MED13L: variants seen among roughly 807,000 people sequenced by gnomAD.
MED13L encodes mediator complex subunit 13L, also known as mediator of RNA polymerase II transcription subunit 13-like.
MED13L carries 7 observed loss-of-function variants against 220.9 expected under a neutral mutation model. The ratio of observed to expected loss-of-function variants is 0.03; its 90% CI spans 0.02 to 0.06. The LOEUF is 0.06. Among genes scored for constraint, MED13L ranks in the 10% least tolerant of loss-of-function variants. The pLI is 1.00. For synonymous variants in MED13L, 1,011 were observed against 1,015.2 expected, an observed-to-expected ratio of 1.00 and a Z score of 0.08; for missense variants, 1,965 against 2,760.5, an observed-to-expected ratio of 0.71 and a Z score of 6.46.
chr12:116,049,214 G>C (rs866956589), intron 4 of MED13L, among the ~76,000 whole-genome samples: 1 of 152,178 alleles, frequency 6.6e-6, no homozygotes, highest in Non-Finnish European at 1.5e-5. Flanking sequence ...ATTAGTGACT[G>C]TCTCTTTTGG....
intron 1 of MED13L, among the ~76,000 whole-genome samples, chr12:116,274,438 A>C (rs1367047858): frequency 5.3e-5 from 8 of 150,720 alleles, no homozygotes; most frequent in East Asian, 1.9e-4. Context: ...AAAAAAAAAA[A>C]CCCTGCAGGC....
intron 2 of MED13L, among the ~76,000 whole-genome samples, chr12:116,219,428 A>G (rs1180744067): frequency 1.3e-5 from 2 of 152,194 alleles, no homozygotes; most frequent in African/African-American, 4.8e-5. Context: ...ACAAAAATAA[A>G]TAAATTTATT....
chr12:116,277,135 C>T lies in MED13L; in HGVS notation c.-4G>A. On this transcript the variant is annotated 5_prime_UTR_variant, in exon 1 of 31. Transcript: ENST00000281928. ...CCCAGTTCGCTGCCGCAGTCATGAT[C>T]CTCCGCGAGCCCGGCCGCCAGAGCG... The T allele has an allele frequency of 1.3e-6, 2 of 1,572,746 alleles. No individual in the cohort carries two copies. The highest frequency in any genetic ancestry group is 1.2e-5 in the South Asian group (1 of 86,170).
intron 1 of MED13L, among the ~76,000 whole-genome samples, chr12:116,259,571 G>GAC (rs1198793179): frequency 6.6e-6 from 1 of 152,184 alleles, no homozygotes; most frequent in Non-Finnish European, 1.5e-5. Flanking sequence ...GCACACACAG[G>GAC]ACTCCGTAAG....
chr12:116,063,792 T>C (rs1186128617), intron 4 of MED13L, among the ~76,000 whole-genome samples: 2 of 152,110 alleles, frequency 1.3e-5, no homozygotes, highest in African/African-American at 4.8e-5. Context: ...AATACAAAAA[T>C]ATAAACAGTG....
intron 4 of MED13L, among the ~76,000 whole-genome samples, chr12:116,055,906 A>T (rs997018090): frequency 6.6e-6 from 1 of 152,100 alleles, no homozygotes; most frequent in African/African-American, 2.4e-5. Context: ...AAAAAAAAAA[A>T]CAAAAAGAGA....
At chr12:116,253,753 G>GTTTTTTTTTTTTTTTTTTTTTT (rs746923184) in intron 1 of MED13L, among the ~76,000 whole-genome samples, 1 of 76,492 alleles carries the variant, frequency 1.3e-5, no homozygotes. Context: ...GGTTTTTTTT[G>GTTTTTTTTTTTTTTTTTTTTTT]TTTTTTTTTT....
intron 4 of MED13L, among the ~76,000 whole-genome samples, chr12:116,033,253 A>C (rs1880966965): frequency 6.6e-6 from 1 of 152,194 alleles, no homozygotes; most frequent in Non-Finnish European, 1.5e-5. Flanking sequence ...CAAATGCTAG[A>C]ATATTTCTGA....
chr12:116,276,622 G>A (rs1172364802), intron 1 of MED13L: 7 of 1,198,748 alleles, frequency 5.8e-6, no homozygotes, highest in Non-Finnish European at 7.4e-6. Context: ...TCAAAAGGCA[G>A]GCGGGCGGGC....
At chr12:116,276,891 C>T (rs1337551245) in intron 1 of MED13L, 169 bp downstream of exon 1, 8 of 973,570 alleles carry the variant, frequency 8.2e-6, no homozygotes, top group Non-Finnish European at 9.3e-6. Context: ...GGATCCAAGG[C>T]GAGAGAGAGA....
rs140062498 is a variant in MED13L, at chr12:116,145,610, C to T, written c.311-34098G>A. On this transcript the variant is annotated intron_variant, in intron 2 of 30. Coordinates refer to ENST00000281928, the MANE Select transcript of MED13L (RefSeq NM_015335.5). ...TCCTGGGTGCAAGTGATCCTCCCAC[C>T]TCAGCCTCCAAGGAGCTAGGACTAC... Among the ~76,000 whole-genome samples the T allele has an allele frequency of 7.2e-3, 1,099 of 152,230 alleles. 5 individuals carry two copies. The highest frequency in any genetic ancestry group is 0.011 in the Non-Finnish European group (781 of 68,012).
chr12:116,084,372 G>T (rs955324268), intron 4 of MED13L, among the ~76,000 whole-genome samples: 3 of 152,148 alleles, frequency 2.0e-5, no homozygotes, highest in African/African-American at 4.8e-5. Flanking sequence ...CTCAGAGAAG[G>T]GGTAAATGGA....
chr12:116,157,153 CG>C lies in MED13L; in HGVS notation c.311-45642del, dbSNP rs1318546608. Among the ~76,000 whole-genome samples the C allele has an allele frequency of 2.6e-5, 4 of 152,266 alleles. No homozygotes were observed. In the East Asian group the frequency reaches 7.7e-4, roughly 29 times the overall value. ...AATCAAAAAACTTTTTCATCTTTGT[CG>C]TATTTCCCATACTTAAATGTTCTTC... On this transcript the variant is annotated intron_variant, in intron 2 of 30. Transcript: ENST00000281928.
At chr12:116,074,087 C>G (rs1206904454) in intron 4 of MED13L, among the ~76,000 whole-genome samples, 7 of 152,166 alleles carry the variant, frequency 4.6e-5, no homozygotes, top group African/African-American at 1.4e-4. Flanking sequence ...ATAAAACATA[C>G]TGTTAAACAT....
At chr12:116,059,234 ATTGT>A (rs1399270524) in intron 4 of MED13L, among the ~76,000 whole-genome samples, 1 of 151,978 alleles carries the variant, frequency 6.6e-6, no homozygotes, top group African/African-American at 2.4e-5. Context: ...CACCCAGCTA[ATTGT>A]TTGTAGAGAT....
intron 2 of MED13L, among the ~76,000 whole-genome samples, chr12:116,168,180 C>CA (rs534494585): frequency 2.7e-5 from 4 of 150,446 alleles, no homozygotes; most frequent in South Asian, 4.2e-4. Context: ...TTTCAAAGTT[C>CA]AAAAAAAAGA....
At chr12:116,241,548 T>G (rs1870653856) in intron 1 of MED13L, among the ~76,000 whole-genome samples, 1 of 152,182 alleles carries the variant, frequency 6.6e-6, no homozygotes, top group African/African-American at 2.4e-5. Context: ...TTGGCATTGT[T>G]TCAGGAGAAT....
At chr12:116,237,797 A>G (rs765703380) in intron 1 of MED13L, 92 bp from the exon 2 acceptor site, 139 of 1,096,680 alleles carry the variant, frequency 1.3e-4, no homozygotes, top group Non-Finnish European at 1.9e-4. Context: ...TTGTGCTAAA[A>G]TAAATATTTA....
At chr12:116,108,156 C>T (rs1036801341) in intron 3 of MED13L, among the ~76,000 whole-genome samples, 1 of 150,838 alleles carries the variant, frequency 6.6e-6, no homozygotes, top group African/African-American at 2.4e-5. Flanking sequence ...CAGAAACTCA[C>T]AATATCCACA....
Sources: allele counts gnomAD v4.1 joint callset (sites outside exome capture counted in the v4.1 genomes callset), GRCh38; gene constraint gnomAD v4.1.1; transcripts MANE v1.5; gene names NCBI Gene and HGNC (gene_info 2026-07-23, HGNC 2026-07-21).